The following RARRES2 variants were observed in gnomAD, a reference collection of about 807,000 sequenced individuals.
RARRES2 encodes the protein retinoic acid receptor responder 2, also known as retinoic acid receptor responder protein 2.
A neutral mutation model predicts 17.9 loss-of-function variants in RARRES2; 12 were observed. The ratio of observed to expected loss-of-function variants is 0.67; its 90% CI spans 0.43 to 1.08. The LOEUF (loss-of-function observed/expected upper bound fraction) is 1.08. Ranked by LOEUF, RARRES2 falls within the 50% of genes least tolerant of loss-of-function variation. The pLI is 0.00. For missense variants in RARRES2, 220 were observed against 210.1 expected, an observed-to-expected ratio of 1.05 and a Z score of -0.29; for synonymous variants, 82 against 86.8, an observed-to-expected ratio of 0.94 and a Z score of 0.31.
At position 150,340,452 on chromosome 7, in the gene RARRES2, T is replaced by G; in HGVS notation, c.158A>C (p.Glu53Ala). 6.2e-7 allele frequency: 1 copy of G among 1,606,978 alleles called. No individual in the cohort carries two copies. Among genetic ancestry groups the G allele is most frequent in the Non-Finnish European group, 8.5e-7 (1 of 1,175,840 alleles). ...GCTACTCACCGTGTCCACGGCGCTC[T>G]CCACACTGGTCTCCTGGAAGGCCCA... is the stretch of plus-strand genomic sequence containing the variant. ...VQWAFQETSV[E>A]SAVDTPFPAG... Residue 53 changes from glutamate to alanine, a missense_variant, in exon 2 of 6, where the codon GAG becomes GCG. Glu to Ala is a moderately radical substitution (Grantham distance 107, BLOSUM62 -1). Coordinates refer to ENST00000223271, the MANE Select transcript of RARRES2 (RefSeq NM_002889.4).
chr7:150,339,187 A>G, intron 3 of RARRES2, 106 bp from the exon 4 acceptor site: 1 of 1,087,012 alleles, frequency 9.2e-7, no homozygotes, highest in Non-Finnish European at 1.4e-6. Context: ...CCAGATCCCC[A>G]ACTAGGCCCT....
Position 150,338,761 on chromosome 7 carries a change from T to C in RARRES2, c.376-20A>G. 6.4e-7 allele frequency: 1 copy of C among 1,560,832 alleles called. No homozygotes were observed. Among genetic ancestry groups the C allele is most frequent in the African/African-American group, 1.4e-5 (1 of 73,380 alleles). ...AGCCTCCTGCCAGTGCCCAAAACTG[T>C]TCAGGCAGTGTAGGAGGGGTGGGCA... On this transcript the variant is annotated intron_variant, in intron 4 of 5. Transcript: ENST00000223271.
rs1481078301 is a variant in RARRES2 at position 150,340,573 on chromosome 7, C to T, written c.37G>A (p.Gly13Ser). The stretch of plus-strand genomic sequence containing the variant: ...TCGGCGACGCCCACGCCCACCGCAC[C>T]CAGCCACAGGGCCAGAGGGATCAGC... ...RLLIPLALWLGAVGVGVAELT... is the reference protein window; with the variant it reads ...RLLIPLALWLSAVGVGVAELT... Residue 13 changes from glycine (G) to serine (S), a missense_variant, in exon 2 of 6, where the codon GGT (glycine) becomes AGT (serine). Transcript: ENST00000223271. 6.4e-7 allele frequency: 1 copy of T among 1,562,446 alleles called. No individual in the cohort carries two copies. Among genetic ancestry groups the T allele is most frequent in the Non-Finnish European group, 8.7e-7 (1 of 1,154,792 alleles).
chr7:150,338,881 T>G, intron 4 of RARRES2, 105 bp downstream of exon 4: 1 of 1,541,072 alleles, frequency 6.5e-7, no homozygotes, highest in East Asian at 2.3e-5. Context: ...CCCACTGCCC[T>G]CCCTCCTGCT....
Position 150,340,178 on chromosome 7 carries a change from C to G in RARRES2, c.201G>C (p.Arg67Ser). The change falls in exon 3 of 6, where the codon AGG becomes AGC. Residue 67 changes from arginine (R) to serine (S), a missense_variant. Coordinates refer to ENST00000223271, the MANE Select transcript of RARRES2 (RefSeq NM_002889.4). ...TTGTCTGCTGCAGCTTAAATTCCAGCCTCACAAATATTCCAGCTGGGAAGG... is the reference window on the plus strand; with the variant it reads ...TTGTCTGCTGCAGCTTAAATTCCAGGCTCACAAATATTCCAGCTGGGAAGG... ...DTPFPAGIFV[R>S]LEFKLQQTSC... is the part of the protein sequence containing the mutation. The G allele has an allele frequency of 1.2e-6, 2 of 1,614,210 alleles. No homozygotes were observed. Among genetic ancestry groups the G allele is most frequent in the Non-Finnish European group, 8.5e-7 (1 of 1,180,044 alleles).
chr7:150,338,876 T>C (rs979034870), intron 4 of RARRES2, 110 bp downstream of exon 4: 7 of 1,542,582 alleles, frequency 4.5e-6, no homozygotes, highest in African/African-American at 4.1e-5. Flanking sequence ...TAGCCCCCAC[T>C]GCCCTCCCTC....
rs1372912925 is a variant in RARRES2 at position 150,340,260 on chromosome 7, A to G, written c.175-56T>C. 4 of 1,593,054 alleles carry G rather than the reference A, an allele frequency of 2.5e-6. No individual in the cohort carries two copies. The African/African-American group carries it at 5.4e-5, about 21-fold the overall frequency. On this transcript the variant is annotated intron_variant, in intron 2 of 5. Coordinates refer to ENST00000223271, the MANE Select transcript of RARRES2 (RefSeq NM_002889.4). ...CGGTAGCCAGCTGAGGGTGCAGAGCAAGCCCTGGTGTGATCCGCACCTCCC... is the reference window on the plus strand; with the variant it reads ...CGGTAGCCAGCTGAGGGTGCAGAGCGAGCCCTGGTGTGATCCGCACCTCCC...
intron 5 of RARRES2, 47 bp downstream of exon 5, chr7:150,338,568 C>T: frequency 6.5e-7 from 1 of 1,537,948 alleles, no homozygotes. Flanking sequence ...TCAGCATTCC[C>T]AGGGCTGGCC....
At chr7:150,338,905 G>T (rs2129618561) in intron 4 of RARRES2, 81 bp downstream of exon 4, 3 of 1,539,486 alleles carry the variant, frequency 1.9e-6, no homozygotes, top group East Asian at 4.5e-5. Context: ...CCAAGCTTTA[G>T]CCTCGAGACC....
intron 3 of RARRES2, among the ~76,000 whole-genome samples, chr7:150,339,613 G>A (rs1041730131): frequency 6.6e-6 from 1 of 152,150 alleles, no homozygotes; most frequent in Non-Finnish European, 1.5e-5. Flanking sequence ...TGCAGAACCT[G>A]TAATACAGAG....
chr7:150,339,868 C>A (rs373328075), intron 3 of RARRES2, among the ~76,000 whole-genome samples: 2 of 152,190 alleles, frequency 1.3e-5, no homozygotes, highest in East Asian at 1.9e-4. Context: ...ACCAAACCAT[C>A]TTCCTGTCTG....
chr7:150,338,622 G>C lies in RARRES2; in HGVS notation c.*3C>G, dbSNP rs1225221933. The C allele has an allele frequency of 6.4e-7, 1 of 1,553,912 alleles. No individual in the cohort carries two copies. The highest frequency in any genetic ancestry group is 8.7e-7 in the Non-Finnish European group (1 of 1,148,062). ...CAGCCCCCTGGTGCCTACCAGTGCT[G>C]GCTTAGCTGCGGGGCAGGGCCTTGG... On this transcript the variant is annotated 3_prime_UTR_variant, in exon 5 of 6. Transcript: ENST00000223271.
At position 150,340,529 on chromosome 7, in the gene RARRES2, G is replaced by C. The variant is rs763324304; in HGVS notation, c.81C>G (p.Arg27=). 3 of 1,586,760 alleles carry C rather than the reference G, an allele frequency of 1.9e-6. No individual in the cohort carries two copies. In the South Asian group the frequency reaches 3.4e-5, roughly 18 times the overall value. ...CCTCCAGGGCCACCTGCAGGCCCCGGCGCTGGGCTTCCGTGAGCTCGGCGA... is the reference window on the plus strand; with the variant it reads ...CCTCCAGGGCCACCTGCAGGCCCCGCCGCTGGGCTTCCGTGAGCTCGGCGA... ...VGVAELTEAQ[R]RGLQVALEEF... is the part of the protein sequence containing the mutation. The change falls in exon 2 of 6, where the codon CGC becomes CGG. Residue 27 remains arginine, a synonymous_variant. Transcript: ENST00000223271.
Position 150,340,183 on chromosome 7 carries a change from C to T in RARRES2, c.196G>A (p.Val66Met), listed in dbSNP as rs3210493. 6.2e-7 allele frequency: 1 copy of T among 1,614,092 alleles called. No individual in the cohort carries two copies. Among genetic ancestry groups the T allele is most frequent in the African/African-American group, 1.3e-5 (1 of 74,960 alleles). ...TGCTGCAGCTTAAATTCCAGCCTCA[C>T]AAATATTCCAGCTGGGAAGGGCTGC... is the stretch of plus-strand genomic sequence containing the variant. ...VDTPFPAGIF[V>M]RLEFKLQQTS... Residue 66 changes from valine to methionine, a missense_variant, in exon 3 of 6, where the codon GTG (valine) becomes ATG (methionine). Transcript: ENST00000223271.
chr7:150,338,860 G>A (rs988057846), intron 4 of RARRES2, 119 bp from the exon 5 acceptor site: 20 of 1,555,606 alleles, frequency 1.3e-5, no homozygotes, highest in South Asian at 2.4e-5. Flanking sequence ...CAGGCACAGC[G>A]CTTTCTAGCC....
intron 3 of RARRES2, among the ~76,000 whole-genome samples, chr7:150,339,632 G>C (rs936298380): frequency 6.6e-6 from 1 of 152,116 alleles, no homozygotes; most frequent in African/African-American, 2.4e-5. Flanking sequence ...AGCCCAGGCC[G>C]TGCTCACAGA....
Position 150,340,547 on chromosome 7 carries a change from C to G in RARRES2, c.63G>C (p.Glu21Asp), listed in dbSNP as rs1798460284. ...WLGAVGVGVA[E>D]LTEAQRRGLQ... ...GGCCCCGGCGCTGGGCTTCCGTGAG[C>G]TCGGCGACGCCCACGCCCACCGCAC... The change falls in exon 2 of 6, where the codon GAG becomes GAC. Residue 21 changes from glutamate to aspartate, a missense_variant. Coordinates refer to ENST00000223271, the MANE Select transcript of RARRES2 (RefSeq NM_002889.4). 3 of 1,575,784 alleles carry G rather than the reference C, an allele frequency of 1.9e-6. No individual in the cohort carries two copies. The highest frequency in any genetic ancestry group is 1.3e-5 in the African/African-American group (1 of 74,102).
In RARRES2 at chr7:150,340,124, G is replaced by T. The variant is rs1004555852; in HGVS notation, c.255C>A (p.Pro85=). 2 of 1,613,974 alleles carry T rather than the reference G, an allele frequency of 1.2e-6. No individual in the cohort carries two copies. Among genetic ancestry groups the T allele is most frequent in the Non-Finnish European group, 1.7e-6 (2 of 1,179,982 alleles). Residue 85 remains proline (P), a synonymous_variant, in exon 3 of 6, where the codon CCC becomes CCA. Transcript: ENST00000223271. ...CCCCATTGGGCCTGACTTTGCACTC[G>T]GGTTTCTTCCAGTCCCTCTTCCGGC... ...TSCRKRDWKK[P]ECKVRPNGRK... is the part of the protein sequence containing the mutation.
intron 3 of RARRES2, 117 bp downstream of exon 3, chr7:150,339,983 C>A: frequency 1.1e-6 from 1 of 935,462 alleles, no homozygotes; most frequent in Non-Finnish European, 1.7e-6. Context: ...CTCAGGGCTT[C>A]TTAATGGACC....
Sources: gnomAD v4.1 joint callset for allele counts (sites outside exome capture counted in the v4.1 genomes callset) on GRCh38, gnomAD v4.1.1 for gene constraint, MANE v1.5 for transcripts, NCBI Gene and HGNC (gene_info 2026-07-23, HGNC 2026-07-21) for gene names.